PLB1: variants seen among roughly 807,000 people sequenced by gnomAD.
PLB1 encodes the protein phospholipase B1, also known as phospholipase B1, membrane-associated.
PLB1 carries 242 observed loss-of-function variants against 227.4 expected under a neutral mutation model. The observed-to-expected ratio is 1.06, with a 90% CI of 0.96 to 1.18. PLB1 has a LOEUF of 1.18. Ranked by LOEUF, PLB1 falls within the 50% of genes most tolerant of loss-of-function variation. The pLI is 0.00. For missense variants in PLB1, 1,858 were observed against 1,816.3 expected (o/e 1.02, Z -0.42); for synonymous variants, 757 against 682.2 (o/e 1.11, Z -1.71).
intron 56 of PLB1, 200 bp downstream of exon 56, chr2:28,633,239 C>T: frequency 3.6e-6 from 2 of 558,500 alleles, no homozygotes; most frequent in Non-Finnish European, 6.3e-6. Context: ...GAAAGTTATA[C>T]AAACACACAC....
At chr2:28,505,270 A>G (rs938613081) in intron 1 of PLB1, among the ~76,000 whole-genome samples, 4 of 152,206 alleles carry the variant, frequency 2.6e-5, no homozygotes, top group African/African-American at 9.6e-5. Context: ...GCTACCTTAC[A>G]GTATAATAGA....
chr2:28,564,794 G>C (rs756297820), intron 18 of PLB1, among the ~76,000 whole-genome samples: 1 of 152,254 alleles, frequency 6.6e-6, no homozygotes, highest in Admixed American at 6.5e-5. Context: ...CACGCACCTG[G>C]AGAGTGTCCA....
chr2:28,586,860 G>A (rs1351784291), intron 26 of PLB1, among the ~76,000 whole-genome samples: 6 of 152,080 alleles, frequency 3.9e-5, no homozygotes, highest in African/African-American at 9.7e-5. Flanking sequence ...TGATCCTCCC[G>A]CCTCAGTCCC....
chr2:28,581,996 G>A (rs1376965083), intron 23 of PLB1, 72 bp from the exon 24 acceptor site: 1 of 1,418,208 alleles, frequency 7.1e-7, no homozygotes, highest in African/African-American at 1.4e-5. Context: ...GGACCCAAGA[G>A]AGAAAGTAGC....
At chr2:28,549,408 C>A (rs199578635) in intron 15 of PLB1, among the ~76,000 whole-genome samples, 7 of 60,702 alleles carry the variant, frequency 1.2e-4, no homozygotes, top group African/African-American at 3.8e-4. Context: ...GAATGAGATT[C>A]TTTCTTTTTT....
chr2:28,581,509 ATAAAT>A (rs1679993308), intron 23 of PLB1, among the ~76,000 whole-genome samples: 2 of 143,460 alleles, frequency 1.4e-5, no homozygotes, highest in African/African-American at 5.4e-5. Context: ...AAATAAATAA[ATAAAT>A]AAATAAATAA....
Position 28,562,261 on chromosome 2 carries a change from C to T in PLB1, c.1148-780C>T, listed in dbSNP as rs554706847. Among the ~76,000 whole-genome samples, 19 of 152,030 alleles carry T rather than the reference C, an allele frequency of 1.2e-4. No homozygotes were observed. The South Asian group carries it at 2.5e-3, about 20-fold the overall frequency. ...AATTTCATCTCAATTAAAAAACAGTCGGCCGGGCGCGTTGGCTCTCGCCTG... is the reference window on the plus strand; with the variant it reads ...AATTTCATCTCAATTAAAAAACAGTTGGCCGGGCGCGTTGGCTCTCGCCTG... On this transcript the variant is annotated intron_variant, in intron 17 of 57. Coordinates refer to ENST00000327757, the MANE Select transcript of PLB1 (RefSeq NM_153021.5).
At chr2:28,576,355 C>T (rs988034082) in intron 21 of PLB1, among the ~76,000 whole-genome samples, 5 of 152,206 alleles carry the variant, frequency 3.3e-5, no homozygotes, top group Middle Eastern at 3.2e-3. Context: ...GGCACCCTCA[C>T]GTTTATCATC....
chr2:28,530,210 A>G (rs995772962), intron 8 of PLB1, among the ~76,000 whole-genome samples: 6 of 152,222 alleles, frequency 3.9e-5, no homozygotes, highest in African/African-American at 1.2e-4. Context: ...GCTGAAAGTC[A>G]GCAGATGGAC....
chr2:28,637,483 A>G (rs986364308), intron 56 of PLB1, among the ~76,000 whole-genome samples: 1 of 152,046 alleles, frequency 6.6e-6, no homozygotes, highest in African/African-American at 2.4e-5. Flanking sequence ...CCCCACAGAG[A>G]AATCAAGTAA....
At chr2:28,556,019 C>T (rs768467014) in intron 17 of PLB1, among the ~76,000 whole-genome samples, 4 of 151,938 alleles carry the variant, frequency 2.6e-5, no homozygotes, top group Non-Finnish European at 5.9e-5. Context: ...GGCCCATGCA[C>T]CATGTCCAGC....
At chr2:28,531,924 T>C (rs1671064608) in intron 8 of PLB1, among the ~76,000 whole-genome samples, 184 bp from the exon 9 acceptor site, 1 of 152,194 alleles carries the variant, frequency 6.6e-6, no homozygotes. Context: ...GTTTTGGATA[T>C]ATTTTATCAA....
intron 49 of PLB1, among the ~76,000 whole-genome samples, chr2:28,622,526 C>A (rs948533576): frequency 2.0e-5 from 3 of 152,166 alleles, no homozygotes; most frequent in African/African-American, 7.2e-5. Context: ...TTTCATCTAA[C>A]TTTCCTTCCA....
chr2:28,520,219 C>T (rs956744538), intron 4 of PLB1, among the ~76,000 whole-genome samples: 4 of 129,894 alleles, frequency 3.1e-5, no homozygotes, highest in Admixed American at 1.6e-4. Context: ...TGAGCCACTG[C>T]GCCCAGCCGA....
chr2:28,620,186 C>G, intron 46 of PLB1, 79 bp from the exon 47 acceptor site: 1 of 972,266 alleles, frequency 1.0e-6, no homozygotes. Context: ...GTCCTAGCTG[C>G]TACCCCAGGG....
At chr2:28,642,035 G>A (rs904023437) in intron 57 of PLB1, among the ~76,000 whole-genome samples, 1 of 152,096 alleles carries the variant, frequency 6.6e-6, no homozygotes, top group Admixed American at 6.5e-5. Context: ...TGTTCCTGGA[G>A]GTTCATCTTC....
In PLB1 at chr2:28,643,638, C is replaced by A. The variant is rs548766104; in HGVS notation, c.*577C>A. The A allele has an allele frequency of 6.6e-6, 1 of 152,342 alleles. No homozygotes were observed. The highest frequency in any genetic ancestry group is 2.4e-5 in the African/African-American group (1 of 41,568). The allele number at this position is 152,342 out of a possible 1,614,324, so 9.4% of individuals were successfully genotyped here. The stretch of plus-strand genomic sequence containing the variant: ...AACTCCTTCAATAACCAAGAAGCCA[C>A]GTGATGATGTGTAACTACTAGGGCA... On this transcript the variant is annotated 3_prime_UTR_variant, in exon 58 of 58. Transcript: ENST00000327757.
chr2:28,642,101 C>T (rs530587528), intron 57 of PLB1, among the ~76,000 whole-genome samples: 31 of 152,194 alleles, frequency 2.0e-4, no homozygotes, highest in Non-Finnish European at 4.3e-4. Context: ...CTTTACTAAG[C>T]GATGGTTTCA....
chr2:28,548,343 C>T (rs1572900126), intron 14 of PLB1, among the ~76,000 whole-genome samples: 2 of 152,200 alleles, frequency 1.3e-5, no homozygotes, highest in South Asian at 2.1e-4. Context: ...TACTGGCTCT[C>T]CTGTCTAAGG....
Sources: allele counts gnomAD v4.1 joint callset (sites outside exome capture counted in the v4.1 genomes callset), GRCh38; gene constraint gnomAD v4.1.1; transcripts MANE v1.5; gene names NCBI Gene and HGNC (gene_info 2026-07-23, HGNC 2026-07-21).